The following GRIK4 variants were observed in gnomAD, a reference collection of about 807,000 sequenced individuals.
GRIK4 encodes glutamate receptor ionotropic, kainate 4.
Under a neutral mutation model 104.9 loss-of-function variants are expected in GRIK4, and 40 were observed. The ratio of observed to expected loss-of-function variants is 0.38; its 90% CI spans 0.30 to 0.50. The LOEUF is 0.50. GRIK4 is among the 20% of genes least tolerant of loss of function. The pLI is 0.93. For synonymous variants in GRIK4, 485 were observed against 524.9 expected, an observed-to-expected ratio of 0.92 and a Z score of 1.04; for missense variants, 1,047 against 1,308.1, an observed-to-expected ratio of 0.80 and a Z score of 3.08.
At chr11:120,906,932 C>G (rs1247527437) in intron 13 of GRIK4, among the ~76,000 whole-genome samples, 2 of 152,142 alleles carry the variant, frequency 1.3e-5, no homozygotes, top group Non-Finnish European at 2.9e-5. Flanking sequence ...AGACGGCTGA[C>G]AAGTCAACAG....
At chr11:120,607,513 G>A (rs564173369) in intron 1 of GRIK4, among the ~76,000 whole-genome samples, 3 of 152,286 alleles carry the variant, frequency 2.0e-5, no homozygotes, top group South Asian at 4.2e-4. Flanking sequence ...AGGACCACAC[G>A]TTGGGTGGAA....
intron 12 of GRIK4, among the ~76,000 whole-genome samples, chr11:120,900,597 C>A (rs11218051): frequency 1.3e-5 from 2 of 151,894 alleles, no homozygotes; most frequent in South Asian, 2.1e-4. Flanking sequence ...GAGCTGGAGC[C>A]GGGAAGGGCC....
At chr11:120,748,896 C>CTT (rs1387753851) in intron 3 of GRIK4, among the ~76,000 whole-genome samples, 1 of 152,192 alleles carries the variant, frequency 6.6e-6, no homozygotes, top group Admixed American at 6.5e-5. Context: ...TCCTGGGTAG[C>CTT]TTTTCTAAGG....
intron 9 of GRIK4, chr11:120,868,317 G>A (rs754349530): frequency 1.3e-5 from 2 of 152,138 alleles, no homozygotes; most frequent in African/African-American, 2.4e-5. Flanking sequence ...AGAGAATCGA[G>A]GGTTCATTGC....
intron 3 of GRIK4, among the ~76,000 whole-genome samples, chr11:120,673,589 G>A (rs1950054881): frequency 6.6e-6 from 1 of 152,166 alleles, no homozygotes. Context: ...CCAGGACTTG[G>A]CAAACACAAG....
intron 3 of GRIK4, among the ~76,000 whole-genome samples, chr11:120,689,504 A>G (rs1230187913): frequency 1.3e-5 from 2 of 149,346 alleles, no homozygotes; most frequent in Non-Finnish European, 3.0e-5. Context: ...CCAACCCTAC[A>G]CTGCACCCCT....
chr11:120,669,895 C>G (rs1356744705), intron 3 of GRIK4, among the ~76,000 whole-genome samples: 1 of 152,202 alleles, frequency 6.6e-6, no homozygotes, highest in Non-Finnish European at 1.5e-5. Flanking sequence ...TAGCTCTGAC[C>G]CCTTCCAGAA....
At chr11:120,796,927 G>A (rs1952530430) in intron 3 of GRIK4, among the ~76,000 whole-genome samples, 1 of 152,018 alleles carries the variant, frequency 6.6e-6, no homozygotes, top group Non-Finnish European at 1.5e-5. Context: ...ACAAGCATGG[G>A]ACAAGAATAT....
At chr11:120,773,747 T>C (rs1565343889) in intron 3 of GRIK4, among the ~76,000 whole-genome samples, 2 of 152,184 alleles carry the variant, frequency 1.3e-5, no homozygotes, top group Admixed American at 6.5e-5. Context: ...AACTGGGCTC[T>C]GAGTTAGAAA....
chr11:120,895,931 T>C (rs754365163), intron 11 of GRIK4, among the ~76,000 whole-genome samples: 1 of 152,160 alleles, frequency 6.6e-6, no homozygotes, highest in Non-Finnish European at 1.5e-5. Flanking sequence ...GGCCATAACA[T>C]GGCCTGGCTG....
At chr11:120,719,659 G>T (rs1370826663) in intron 3 of GRIK4, among the ~76,000 whole-genome samples, 1 of 152,114 alleles carries the variant, frequency 6.6e-6, no homozygotes, top group Non-Finnish European at 1.5e-5. Context: ...CAGGAGTCCA[G>T]AGTCATTCAT....
In GRIK4 at chr11:120,981,274, G is replaced by C. The variant is rs115554289; in HGVS notation, c.2396-832G>C. Among the ~76,000 whole-genome samples the C allele has an allele frequency of 1.7e-3, 261 of 152,292 alleles. 1 individual carries two copies. Among genetic ancestry groups the C allele is most frequent in the African/African-American group, 6.0e-3 (248 of 41,558 alleles). On this transcript the variant is annotated intron_variant, in intron 19 of 20. Coordinates refer to ENST00000527524, the MANE Select transcript of GRIK4 (RefSeq NM_014619.5). ...GAAACAGCCATATCATATCCTATAA[G>C]TATTTATTGACTATATACTGTGTGC...
rs1392442946 is a variant in GRIK4, at chr11:120,555,128, C to T, written c.-159+43241C>T. On this transcript the variant is annotated intron_variant, in intron 1 of 20. Transcript: ENST00000527524. This position sits in a 1 kb window ranked among gnomAD's most constrained non-coding sequence, Gnocchi z 5.3. The stretch of plus-strand genomic sequence containing the variant: ...GGCTGCTGCCCAGATGTCCTCCAGG[C>T]CCTGCACGCGCAGGTCACCATGTTA... 1.3e-5 allele frequency among the ~76,000 whole-genome samples: 2 copies of T among 152,256 alleles called. No individual in the cohort carries two copies. The highest frequency in any genetic ancestry group is 4.8e-5 in the African/African-American group (2 of 41,474).
At chr11:120,720,759 G>T (rs1950918277) in intron 3 of GRIK4, among the ~76,000 whole-genome samples, 1 of 152,090 alleles carries the variant, frequency 6.6e-6, no homozygotes, top group Non-Finnish European at 1.5e-5. Context: ...ATTTTAAGAA[G>T]TTAAGGGTGC....
At chr11:120,855,672 C>T (rs1223228044) in intron 8 of GRIK4, among the ~76,000 whole-genome samples, 1 of 152,024 alleles carries the variant, frequency 6.6e-6, no homozygotes, top group Non-Finnish European at 1.5e-5. Context: ...ATTATCCTGC[C>T]TCAGACTCCC....
At chr11:120,598,102 G>T (rs192759267) in intron 1 of GRIK4, among the ~76,000 whole-genome samples, 1 of 152,286 alleles carries the variant, frequency 6.6e-6, no homozygotes, top group Admixed American at 6.5e-5. Flanking sequence ...GTTGGAGCTG[G>T]TCTGGGCCCC....
intron 13 of GRIK4, among the ~76,000 whole-genome samples, chr11:120,910,138 G>C (rs985518735): frequency 1.3e-5 from 2 of 152,196 alleles, no homozygotes; most frequent in Non-Finnish European, 2.9e-5. Flanking sequence ...CCATGCTCTT[G>C]AACTTTCTTC....
At chr11:120,801,943 C>T (rs571335669) in intron 3 of GRIK4, among the ~76,000 whole-genome samples, 3 of 152,294 alleles carry the variant, frequency 2.0e-5, no homozygotes, top group African/African-American at 7.2e-5. Flanking sequence ...TCTGTGATAC[C>T]ATAACATTTA....
chr11:120,911,097 G>A (rs571219348), intron 13 of GRIK4, among the ~76,000 whole-genome samples: 2 of 152,250 alleles, frequency 1.3e-5, no homozygotes, highest in South Asian at 4.2e-4. Context: ...TGAAGGGCCT[G>A]TTTGAGCTGC....
Sources: gnomAD v4.1 joint callset for allele counts (sites outside exome capture counted in the v4.1 genomes callset) on GRCh38, gnomAD v4.1.1 for gene constraint, Gnocchi (gnomAD v3.1) non-coding constraint, MANE v1.5 for transcripts, NCBI Gene and HGNC (gene_info 2026-07-23, HGNC 2026-07-21) for gene names.